NFKB1: variants seen among roughly 807,000 people sequenced by gnomAD.
NFKB1 encodes the protein nuclear factor NF-kappa-B p105 subunit.
Under a neutral mutation model 105.1 loss-of-function variants are expected in NFKB1, and 9 were observed. That is an observed-to-expected ratio of 0.09 (90% confidence interval 0.05 to 0.15). NFKB1 has a LOEUF of 0.15. Ranked by LOEUF, NFKB1 falls within the 10% of genes least tolerant of loss-of-function variation. The pLI is 1.00. For synonymous variants in NFKB1, 440 were observed against 442.2 expected (o/e 1.00, Z 0.06); for missense variants, 830 against 1,203.7 (o/e 0.69, Z 4.59).
chr4:102,522,213 A>C (rs1284173189), intron 1 of NFKB1, among the ~76,000 whole-genome samples: 1 of 152,226 alleles, frequency 6.6e-6, no homozygotes, highest in East Asian at 1.9e-4. Context: ...TAATTAATGC[A>C]AATATTACTT....
chr4:102,556,016 T>C (rs898693384), intron 5 of NFKB1, among the ~76,000 whole-genome samples: 10 of 152,058 alleles, frequency 6.6e-5, no homozygotes, highest in Non-Finnish European at 1.5e-4. Context: ...AACTAAGGAA[T>C]GAGAATGGAA....
rs573728299 is a variant in NFKB1, at chr4:102,515,950, A to T, written c.-7-9562A>T. 3.9e-5 allele frequency among the ~76,000 whole-genome samples: 6 copies of T among 152,248 alleles called. No individual in the cohort carries two copies. In the South Asian group the frequency reaches 1.2e-3, roughly 32 times the overall value. On this transcript the variant is annotated intron_variant, in intron 1 of 23. Coordinates refer to ENST00000226574, the MANE Select transcript of NFKB1 (RefSeq NM_003998.4). Reference sequence around the variant, plus strand: ...AGGTCTGCTGGTGATGAATACTCTTAGCTCTTGTTTACTTGAAAATGTCAA... The same window carrying T: ...AGGTCTGCTGGTGATGAATACTCTTTGCTCTTGTTTACTTGAAAATGTCAA...
intron 17 of NFKB1, 65 bp from the exon 18 acceptor site, chr4:102,607,085 T>C (rs1727822074): frequency 2.6e-6 from 4 of 1,538,046 alleles, no homozygotes; most frequent in South Asian, 2.2e-5. Flanking sequence ...TTCCTTCAGC[T>C]TCACAAGGGC....
chr4:102,516,644 A>T (rs1007890271), intron 1 of NFKB1, among the ~76,000 whole-genome samples: 2 of 150,890 alleles, frequency 1.3e-5, no homozygotes, highest in Admixed American at 1.3e-4. Flanking sequence ...CATTATGTTC[A>T]TCTTTTCCTT....
At chr4:102,562,610 C>A (rs1416455353) in intron 5 of NFKB1, among the ~76,000 whole-genome samples, 1 of 151,982 alleles carries the variant, frequency 6.6e-6, no homozygotes, top group Non-Finnish European at 1.5e-5. Context: ...CTCATTTAAT[C>A]CTAAAAAAAA....
At chr4:102,506,671 AATGCCAATACTCCCT>A (rs756047678) in intron 1 of NFKB1, among the ~76,000 whole-genome samples, 11 of 152,118 alleles carry the variant, frequency 7.2e-5, no homozygotes, top group Non-Finnish European at 1.5e-4. Flanking sequence ...AAAAGAGCAA[AATGCCAATACTCCCT>A]GTCCTAGTGT....
At chr4:102,613,319 A>T in intron 22 of NFKB1, 106 bp from the exon 23 acceptor site, 1 of 1,148,268 alleles carries the variant, frequency 8.7e-7, no homozygotes, top group African/African-American at 1.5e-5. Flanking sequence ...CTGGCTCCTG[A>T]GTGGAGGAGG....
intron 6 of NFKB1, among the ~76,000 whole-genome samples, chr4:102,574,347 G>A (rs1174126386): frequency 6.6e-6 from 1 of 152,120 alleles, no homozygotes; most frequent in African/African-American, 2.4e-5. Flanking sequence ...AAGATTTCTT[G>A]AACTATTCCA....
intron 11 of NFKB1, among the ~76,000 whole-genome samples, chr4:102,585,870 G>C (rs1725670753): frequency 6.6e-6 from 1 of 152,158 alleles, no homozygotes; most frequent in African/African-American, 2.4e-5. Flanking sequence ...CTTAAAGAGA[G>C]AGGTAAACAC....
intron 11 of NFKB1, among the ~76,000 whole-genome samples, chr4:102,585,027 G>A (rs1312123093): frequency 2.6e-5 from 4 of 151,790 alleles, no homozygotes; most frequent in Non-Finnish European, 4.4e-5. Flanking sequence ...GACTACAGGT[G>A]TGCGCCACCA....
At chr4:102,564,269 C>T (rs563525859) in intron 5 of NFKB1, among the ~76,000 whole-genome samples, 3 of 152,274 alleles carry the variant, frequency 2.0e-5, no homozygotes, top group South Asian at 2.1e-4. Flanking sequence ...CTAAGTTCTC[C>T]GTAGAGCAAA....
At chr4:102,529,077 C>T (rs574733700) in intron 2 of NFKB1, among the ~76,000 whole-genome samples, 1 of 152,242 alleles carries the variant, frequency 6.6e-6, no homozygotes, top group South Asian at 2.1e-4. Flanking sequence ...CTGGACAATT[C>T]AAGACACTCT....
At chr4:102,560,482 T>A (rs1269521347) in intron 5 of NFKB1, among the ~76,000 whole-genome samples, 1 of 152,166 alleles carries the variant, frequency 6.6e-6, no homozygotes, top group East Asian at 1.9e-4. Flanking sequence ...TCATGAGCCA[T>A]ATATGCTGTT....
In NFKB1 at chr4:102,612,619, C is replaced by G. The variant is rs1390756084; in HGVS notation, c.2592+13C>G. 3.7e-6 allele frequency: 6 copies of G among 1,609,252 alleles called. No homozygotes were observed. The highest frequency in any genetic ancestry group is 5.1e-6 in the Non-Finnish European group (6 of 1,177,454). Reference sequence around the variant, plus strand: ...GGACAACTATGAGGTAACACCTTACCTTACAGATTTAGCAATTTTCATTTG... The same window carrying G: ...GGACAACTATGAGGTAACACCTTACGTTACAGATTTAGCAATTTTCATTTG... On this transcript the variant is annotated intron_variant, in intron 22 of 23. Coordinates refer to ENST00000226574, the MANE Select transcript of NFKB1 (RefSeq NM_003998.4).
intron 4 of NFKB1, among the ~76,000 whole-genome samples, chr4:102,534,569 A>G (rs1741516800): frequency 6.6e-6 from 1 of 152,190 alleles, no homozygotes; most frequent in South Asian, 2.1e-4. Flanking sequence ...GATGGGACCA[A>G]TGCTGTGAAA....
intron 11 of NFKB1, among the ~76,000 whole-genome samples, chr4:102,585,542 A>G (rs1034921313): frequency 6.6e-6 from 1 of 152,194 alleles, no homozygotes. Context: ...CTTGGCCAAC[A>G]TGCACTGTGA....
intron 11 of NFKB1, among the ~76,000 whole-genome samples, chr4:102,586,141 G>A (rs896083252): frequency 2.6e-5 from 4 of 152,162 alleles, no homozygotes; most frequent in Admixed American, 1.3e-4. Context: ...GAGAAACAGT[G>A]CAGTTAGTAA....
intron 5 of NFKB1, among the ~76,000 whole-genome samples, chr4:102,556,807 A>T (rs1302004399): frequency 1.3e-5 from 2 of 152,212 alleles, no homozygotes; most frequent in Admixed American, 6.6e-5. Context: ...CAAATGAAAG[A>T]ATCGTTCAGT....
intron 1 of NFKB1, chr4:102,510,860 C>A: frequency 9.3e-7 from 1 of 1,078,484 alleles, no homozygotes; most frequent in East Asian, 6.3e-5. Context: ...TGAGCTGAAT[C>A]CTCCTCTGTT....
Sources: allele counts gnomAD v4.1 joint callset (sites outside exome capture counted in the v4.1 genomes callset), GRCh38; gene constraint gnomAD v4.1.1; transcripts MANE v1.5; gene names NCBI Gene and HGNC (gene_info 2026-07-23, HGNC 2026-07-21).